Variants in TRMT44 observed in about 807,000 individuals in gnomAD.
TRMT44 encodes the protein tRNA methyltransferase 44 homolog.
A neutral mutation model predicts 77.3 loss-of-function variants in TRMT44; 78 were observed. The observed-to-expected ratio is 1.01, with a 90% CI of 0.84 to 1.22. The LOEUF (loss-of-function observed/expected upper bound fraction) is 1.22. Among genes scored for constraint, TRMT44 ranks in the 50% most tolerant of loss-of-function variants. The pLI is 0.00. For synonymous variants in TRMT44, 391 were observed against 383.3 expected, an observed-to-expected ratio of 1.02 and a Z score of -0.23; for missense variants, 1,090 against 964.4, an observed-to-expected ratio of 1.13 and a Z score of -1.73.
rs1276288545 is a variant in TRMT44 at position 8,441,339 on chromosome 4, C to T, written c.517C>T (p.Pro173Ser). 1.3e-6 allele frequency: 2 copies of T among 1,535,380 alleles called. No individual in the cohort carries two copies. Residue 173 changes from proline to serine, a missense_variant, in exon 1 of 11, where the codon CCA becomes TCA. Physicochemically the swap from Pro to Ser is moderately conservative, Grantham distance 74 (BLOSUM62 -1). Transcript: ENST00000389737. ...FLTSSGAGSQ[P>S]EAQRELDVVL... The stretch of plus-strand genomic sequence containing the variant: ...CACCAGCTCCGGGGCGGGATCGCAG[C>T]CAGAGGCGCAGCGTGAGCTCGACGT...
At chr4:8,459,466 G>C (rs574900567) in intron 6 of TRMT44, among the ~76,000 whole-genome samples, 2 of 152,300 alleles carry the variant, frequency 1.3e-5, no homozygotes, top group African/African-American at 4.8e-5. Flanking sequence ...TCAGCCATGT[G>C]TACGGCAAGC....
At position 8,449,732 on chromosome 4, in the gene TRMT44, A is replaced by G; in HGVS notation, c.798A>G (p.Lys266=). The part of the protein sequence containing the change: ...RWHSDGIVYP[K]PTWLGEELLA... ...ATTCAGATGGAATCGTGTATCCCAA[A>G]CCCACGTGGCTTGGAGAAGAGTTGC... The change falls in exon 3 of 11, where the codon AAA becomes AAG. Residue 266 remains lysine, a synonymous_variant. Coordinates refer to ENST00000389737, the MANE Select transcript of TRMT44 (RefSeq NM_152544.3). 7 of 1,536,030 alleles carry G rather than the reference A, an allele frequency of 4.6e-6. No individual in the cohort carries two copies. The South Asian group carries it at 7.1e-5, about 16-fold the overall frequency.
downstream of TRMT44, among the ~76,000 whole-genome samples, chr4:8,479,738 T>TA (rs945859638): frequency 3.9e-4 from 60 of 152,268 alleles, no homozygotes; most frequent in African/African-American, 1.3e-3. Flanking sequence ...CAGTTTATAC[T>TA]AAAAAAATGT....
At chr4:8,449,632 A>C (rs930085231) in intron 2 of TRMT44, 37 bp from the exon 3 acceptor site, 2 of 1,400,892 alleles carry the variant, frequency 1.4e-6, no homozygotes, top group African/African-American at 2.9e-5. Flanking sequence ...AGAATTGAAC[A>C]TATCTGTGCT....
Position 8,468,220 on chromosome 4 carries a change from T to C in TRMT44, c.1801T>C (p.Cys601Arg). 6.2e-7 allele frequency: 1 copy of C among 1,614,250 alleles called. No individual in the cohort carries two copies. The highest frequency in any genetic ancestry group is 8.5e-7 in the Non-Finnish European group (1 of 1,180,042). Residue 601 changes from cysteine (C) to arginine (R), a missense_variant, in exon 9 of 11, where the codon TGT (cysteine) becomes CGT (arginine). Transcript: ENST00000389737. Reference protein sequence around the residue: ...PREKAERVRNCAALPRDFIDQ... With the variant: ...PREKAERVRNRAALPRDFIDQ... ...AGAAAAGGCTGAGCGTGTGAGGAACTGTGCCGCCCTGCCACGAGATTTTAT... is the reference window on the plus strand; with the variant it reads ...AGAAAAGGCTGAGCGTGTGAGGAACCGTGCCGCCCTGCCACGAGATTTTAT...
chr4:8,500,428 A>G, the TRMT44 span, among the ~76,000 whole-genome samples: 2 of 151,906 alleles, frequency 1.3e-5, no homozygotes, highest in African/African-American at 4.8e-5. Flanking sequence ...CCTGGGAGGC[A>G]GAGGTTGCTG....
the TRMT44 span, among the ~76,000 whole-genome samples, chr4:8,503,856 A>G: frequency 6.6e-6 from 1 of 152,298 alleles, no homozygotes; most frequent in African/African-American, 2.4e-5. Flanking sequence ...GAAGGCTCTG[A>G]GCCCCTCTTG....
Position 8,468,125 on chromosome 4 carries a change from G to T in TRMT44, c.1706G>T (p.Arg569Met). The T allele has an allele frequency of 6.2e-7, 1 of 1,613,974 alleles. No homozygotes were observed. Among genetic ancestry groups the T allele is most frequent in the South Asian group, 1.1e-5 (1 of 91,076 alleles). Residue 569 changes from arginine (R) to methionine (M), a missense_variant, in exon 9 of 11, where the codon AGG (arginine) becomes ATG (methionine). Physicochemically the swap from Arg to Met is moderately conservative, Grantham distance 91. Transcript: ENST00000389737. Reference sequence around the variant, plus strand: ...GACGCCAGGGTCGGGTGTGTAACCAGGGCCTGGGCCGCTGAGCATGGAGCA... The same window carrying T: ...GACGCCAGGGTCGGGTGTGTAACCATGGCCTGGGCCGCTGAGCATGGAGCA... ...ALDARVGCVT[R>M]AWAAEHGAGP...
chr4:8,508,389 G>C, the TRMT44 span, among the ~76,000 whole-genome samples: 4 of 152,352 alleles, frequency 2.6e-5, no homozygotes, highest in South Asian at 2.1e-4. Flanking sequence ...GCCATGGGTT[G>C]TGTCTGTTGT....
chr4:8,464,904 T>A (rs1332449858), intron 7 of TRMT44, among the ~76,000 whole-genome samples: 2 of 152,210 alleles, frequency 1.3e-5, no homozygotes, highest in East Asian at 1.9e-4. Context: ...GGAAATCATG[T>A]CCTTTGCAGC....
chr4:8,442,401 G>A (rs1280182041), intron 1 of TRMT44, among the ~76,000 whole-genome samples: 1 of 152,184 alleles, frequency 6.6e-6, no homozygotes, highest in Non-Finnish European at 1.5e-5. Flanking sequence ...TACTGCCCGT[G>A]ACCTTGACAC....
rs201920958 is a variant in TRMT44 at position 8,468,209 on chromosome 4, G to T, written c.1790G>T (p.Arg597Leu). The stretch of plus-strand genomic sequence containing the variant: ...TTTCATCCCAGAGAAAAGGCTGAGC[G>T]TGTGAGGAACTGTGCCGCCCTGCCA... ...PGFHPREKAE[R>L]VRNCAALPRD... Residue 597 changes from arginine (R) to leucine (L), a missense_variant, in exon 9 of 11, where the codon CGT (arginine) becomes CTT (leucine). Transcript: ENST00000389737. The T allele has an allele frequency of 4.3e-6, 7 of 1,614,144 alleles. No homozygotes were observed. The South Asian group carries it at 5.5e-5, about 13-fold the overall frequency.
the TRMT44 span, among the ~76,000 whole-genome samples, chr4:8,499,376 G>A: frequency 6.6e-6 from 1 of 152,150 alleles, no homozygotes; most frequent in Non-Finnish European, 1.5e-5. Context: ...ACCGCAGCCT[G>A]CCTGGCCAAA....
chr4:8,514,926 C>T, the TRMT44 span, among the ~76,000 whole-genome samples: 1 of 152,188 alleles, frequency 6.6e-6, no homozygotes, highest in Non-Finnish European at 1.5e-5. Flanking sequence ...GCCTGCTCCA[C>T]GTGCACTGGG....
Position 8,451,989 on chromosome 4 carries a change from G to A in TRMT44, c.984G>A (p.Lys328=). The change falls in exon 4 of 11, where the codon AAG becomes AAA. Residue 328 remains lysine, a synonymous_variant. Transcript: ENST00000389737. This position sits in a 1 kb window ranked among gnomAD's most constrained non-coding sequence, Gnocchi z 4.1. ...GGCCTGAAGTCACTGATCCTGAGAA[G>A]TTCGTGTATGAAGATGTGGCTATCG... is the stretch of plus-strand genomic sequence containing the variant. ...KVWPEVTDPE[K]FVYEDVAIAA... 6.5e-7 allele frequency: 1 copy of A among 1,536,806 alleles called. No individual in the cohort carries two copies. Among genetic ancestry groups the A allele is most frequent in the Non-Finnish European group, 8.7e-7 (1 of 1,147,048 alleles).
At chr4:8,487,838 A>C (rs13105415) in intron 2 of TRMT44, among the ~76,000 whole-genome samples, 35,448 of 152,022 alleles carry the variant, frequency 0.23, 4,706 homozygotes, top group African/African-American at 0.36. Context: ...GCAGGCGTCC[A>C]TGAGTGGTCT....
intron 8 of TRMT44, among the ~76,000 whole-genome samples, chr4:8,467,256 G>GT (rs201275359): frequency 0.027 from 4,173 of 152,292 alleles, 68 homozygotes; most frequent in South Asian, 0.04. Flanking sequence ...CCATCAGCAT[G>GT]TGCCCCCGCC....
Position 8,475,484 on chromosome 4 carries a change from G to C in TRMT44, c.2045-288G>C, listed in dbSNP as rs147261139. ...GGTGCAGTCTGTCCTGGGACACTCGGGTTTGCTGCTGCTTTGCCTAAAATG... is the reference window on the plus strand; with the variant it reads ...GGTGCAGTCTGTCCTGGGACACTCGCGTTTGCTGCTGCTTTGCCTAAAATG... On this transcript the variant is annotated intron_variant, in intron 10 of 10. Transcript: ENST00000389737. Among the ~76,000 whole-genome samples the C allele has an allele frequency of 4.7e-3, 717 of 152,296 alleles. 8 individuals carry two copies. Among genetic ancestry groups the C allele is most frequent in the African/African-American group, 0.017 (691 of 41,560 alleles).
chr4:8,471,714 C>T lies in TRMT44; in HGVS notation c.2044+514C>T, dbSNP rs981290607. ...GGTCCTGGTACCCAGTTCCCCTGCT[C>T]CCCAACGCCCTGTGACTCCAGGACT... On this transcript the variant is annotated intron_variant, in intron 10 of 10. Coordinates refer to ENST00000389737, the MANE Select transcript of TRMT44 (RefSeq NM_152544.3). Among the ~76,000 whole-genome samples, 9 of 152,336 alleles carry T rather than the reference C, an allele frequency of 5.9e-5. 1 individual carries two copies. The highest frequency in any genetic ancestry group is 9.6e-5 in the African/African-American group (4 of 41,586).
Sources: allele counts gnomAD v4.1 joint callset (sites outside exome capture counted in the v4.1 genomes callset), GRCh38; gene constraint gnomAD v4.1.1; non-coding constraint Gnocchi (gnomAD v3.1); transcripts MANE v1.5; gene names NCBI Gene and HGNC (gene_info 2026-07-23, HGNC 2026-07-21).